The following ARL17A variants were observed in gnomAD, a reference collection of about 807,000 sequenced individuals.
ARL17A encodes the protein ARF like GTPase 17A.
intron 4 of ARL17A, among the ~76,000 whole-genome samples, chr17:46,532,040 C>T (rs1361074827): frequency 2.0e-5 from 3 of 150,020 alleles, no homozygotes; most frequent in Non-Finnish European, 2.9e-5. Flanking sequence ...GTTCAGGTGA[C>T]GCCATTACAC....
downstream of ARL17A, among the ~76,000 whole-genome samples, chr17:46,551,162 A>ACT (rs2056769087): frequency 6.0e-5 from 9 of 149,588 alleles, no homozygotes; most frequent in South Asian, 1.9e-3. Flanking sequence ...ACCATGTGAG[A>ACT]CATTCCCCCT....
At chr17:46,502,885 G>C in the ARL17A span, among the ~76,000 whole-genome samples, 1 of 150,806 alleles carries the variant, frequency 6.6e-6, no homozygotes, top group African/African-American at 2.5e-5. Context: ...TCATGTTACA[G>C]GCTGGTCTCC....
At chr17:46,501,400 C>G in the ARL17A span, among the ~76,000 whole-genome samples, 1 of 151,170 alleles carries the variant, frequency 6.6e-6, no homozygotes, top group Admixed American at 6.6e-5. Context: ...GTCTTGAACT[C>G]CTGACCTCAA....
chr17:46,548,115 G>A, downstream of ARL17A: 80 of 128,834 alleles, frequency 6.2e-4, no homozygotes, highest in Admixed American at 3.0e-3. Context: ...GTAGGTGGCC[G>A]TGTTTTCAAA....
intron 3 of ARL17A, among the ~76,000 whole-genome samples, chr17:46,522,436 C>CTTGT (rs200442940): frequency 0.17 from 18,011 of 107,822 alleles, 6 homozygotes; most frequent in East Asian, 0.29. Flanking sequence ...AAATGTGAGA[C>CTTGT]TTGTTTGTTT....
chr17:46,541,634 G>A (rs1394679177), intron 3 of ARL17A, among the ~76,000 whole-genome samples: 2 of 150,740 alleles, frequency 1.3e-5, no homozygotes, highest in African/African-American at 2.5e-5. Flanking sequence ...CATATCTGCA[G>A]GTTCCTCATC....
chr17:46,522,696 G>A (rs1459289020), intron 3 of ARL17A, among the ~76,000 whole-genome samples: 1 of 32,550 alleles, frequency 3.1e-5, no homozygotes, highest in Non-Finnish European at 6.1e-5. Context: ...TGCCAGCCTC[G>A]GCCTCCGAAA....
intron 2 of ARL17A, among the ~76,000 whole-genome samples, chr17:46,575,224 C>G (rs2057760334): frequency 8.7e-6 from 1 of 114,774 alleles, no homozygotes; most frequent in African/African-American, 2.9e-5. Context: ...GATCTAGAGG[C>G]AGTTCACAAG....
At chr17:46,520,894 TA>T (rs1469283895) in intron 3 of ARL17A, among the ~76,000 whole-genome samples, 1 of 75,328 alleles carries the variant, frequency 1.3e-5, no homozygotes, top group East Asian at 2.5e-4. Flanking sequence ...TTTGGTAATT[TA>T]ATCGGAATTA....
the ARL17A span, among the ~76,000 whole-genome samples, chr17:46,502,251 C>A: frequency 1.3e-5 from 2 of 151,088 alleles, no homozygotes; most frequent in Admixed American, 6.6e-5. Flanking sequence ...TATTTACTTA[C>A]TGAACTCAGA....
chr17:46,574,907 C>T (rs1598622460), intron 2 of ARL17A, among the ~76,000 whole-genome samples: 1 of 47,566 alleles, frequency 2.1e-5, no homozygotes, highest in Admixed American at 2.0e-4. Flanking sequence ...ACCAGCCTGC[C>T]CAACATGGTG....
intron 2 of ARL17A, among the ~76,000 whole-genome samples, chr17:46,575,285 G>T (rs112458826): frequency 1.5e-5 from 2 of 130,086 alleles, no homozygotes; most frequent in Non-Finnish European, 1.7e-5. Flanking sequence ...TTAACAAGCC[G>T]GTAAAACACA....
rs1234810993 is a variant in ARL17A at position 46,552,771 on chromosome 17, G to A, written c.*4585C>T. The A allele has an allele frequency of 9.3e-6, 1 of 106,958 alleles. No individual in the cohort carries two copies. Among genetic ancestry groups the A allele is most frequent in the Admixed American group, 9.7e-5 (1 of 10,306 alleles). 6.6% of individuals were successfully genotyped at this position (106,958 alleles called of 1,614,324 possible). Reference sequence around the variant, plus strand: ...AACAACTGTCAACAATGTACAATATGTATACATTTTATTAGTGATGACTTA... The same window carrying A: ...AACAACTGTCAACAATGTACAATATATATACATTTTATTAGTGATGACTTA... On this transcript the variant is annotated 3_prime_UTR_variant, in exon 4 of 4. Coordinates refer to ENST00000336125, the MANE Select transcript of ARL17A (RefSeq NM_001113738.2).
chr17:46,568,940 CTCTT>C (rs2057610481), intron 3 of ARL17A, among the ~76,000 whole-genome samples: 1 of 117,150 alleles, frequency 8.5e-6, no homozygotes, highest in South Asian at 3.0e-4. Flanking sequence ...CTTTTTTTTT[CTCTT>C]TTTTTTTTTT....
the ARL17A span, among the ~76,000 whole-genome samples, chr17:46,504,876 TAATA>T: frequency 8.0e-6 from 1 of 124,568 alleles, no homozygotes; most frequent in Non-Finnish European, 1.6e-5. Flanking sequence ...ATTTATTAAT[TAATA>T]AATTGATTTA....
chr17:46,525,603 ATAATAATAATAATC>A (rs1417902344), downstream of ARL17A, among the ~76,000 whole-genome samples: 7 of 17,918 alleles, frequency 3.9e-4, no homozygotes, highest in South Asian at 3.5e-3. Flanking sequence ...TAATAATAAT[ATAATAATAATAATC>A]ATCATCATCA....
chr17:46,532,369 T>A (rs1408967165), intron 4 of ARL17A, among the ~76,000 whole-genome samples: 1 of 150,402 alleles, frequency 6.6e-6, no homozygotes, highest in African/African-American at 2.5e-5. Flanking sequence ...GAAATACTGG[T>A]CTGTAATTTT....
chr17:46,532,906 G>T (rs1459235548), intron 4 of ARL17A, among the ~76,000 whole-genome samples: 1 of 147,034 alleles, frequency 6.8e-6, no homozygotes, highest in African/African-American at 2.6e-5. Flanking sequence ...TTCGAGGCCA[G>T]CCAGGGCAAC....
At chr17:46,501,721 C>G in the ARL17A span, among the ~76,000 whole-genome samples, 2 of 151,310 alleles carry the variant, frequency 1.3e-5, no homozygotes, top group African/African-American at 4.9e-5. Flanking sequence ...TTGTATGCCT[C>G]AATTCAATCA....
Sources: allele counts gnomAD v4.1 joint callset (sites outside exome capture counted in the v4.1 genomes callset), GRCh38; gene constraint gnomAD v4.1.1; transcripts MANE v1.5; gene names NCBI Gene and HGNC (gene_info 2026-07-23, HGNC 2026-07-21).